Variants in EYS observed in about 807,000 individuals in gnomAD.
The protein encoded by EYS is EGF-like photoreceptor maintenance factor.
Under a neutral mutation model 282.1 loss-of-function variants are expected in EYS, and 250 were observed. The observed-to-expected ratio is 0.89, with a 90% CI of 0.80 to 0.98. The LOEUF (loss-of-function observed/expected upper bound fraction) is 0.98, where lower values mean the gene tolerates loss of function less well. Among genes scored for constraint, EYS ranks in the 50% least tolerant of loss-of-function variants. The probability of loss-of-function intolerance (pLI) is 0.00; values close to 1 mark genes in which losing one functional copy is unlikely to be tolerated. For missense variants in EYS, 4,016 were observed against 3,709.0 expected, an observed-to-expected ratio of 1.08 and a Z score of -2.15; for synonymous variants, 1,355 against 1,282.9, an observed-to-expected ratio of 1.06 and a Z score of -1.20.
intron 13 of EYS, among the ~76,000 whole-genome samples, chr6:65,049,683 A>G (rs2350516): frequency 0.11 from 16,484 of 151,756 alleles, 1,014 homozygotes; most frequent in East Asian, 0.31. Context: ...AATTCAATGC[A>G]AACAACCCTT....
intron 33 of EYS, among the ~76,000 whole-genome samples, chr6:64,007,679 A>G (rs1768415984): frequency 6.6e-6 from 1 of 152,016 alleles, no homozygotes; most frequent in Non-Finnish European, 1.5e-5. Context: ...GAATTCTTGT[A>G]TGTTGTATCT....
chr6:63,872,327 T>C (rs189539886), intron 35 of EYS, among the ~76,000 whole-genome samples: 23 of 152,082 alleles, frequency 1.5e-4, no homozygotes, highest in African/African-American at 2.9e-4. Flanking sequence ...TGTGTGTGTG[T>C]GCACAAGTGT....
chr6:65,579,230 C>A (rs1040834488), intron 2 of EYS, among the ~76,000 whole-genome samples: 7 of 151,860 alleles, frequency 4.6e-5, no homozygotes, highest in African/African-American at 1.7e-4. Flanking sequence ...AAGCCAGTTA[C>A]AAGAATCAAG....
At chr6:64,205,951 T>C (rs183360345) in intron 31 of EYS, among the ~76,000 whole-genome samples, 5 of 152,250 alleles carry the variant, frequency 3.3e-5, no homozygotes, top group Non-Finnish European at 7.4e-5. Flanking sequence ...CTCTATTTTT[T>C]AGAGAAAGTA....
chr6:63,800,935 T>C (rs947379090), intron 37 of EYS, among the ~76,000 whole-genome samples: 1 of 152,210 alleles, frequency 6.6e-6, no homozygotes, highest in Non-Finnish European at 1.5e-5. Flanking sequence ...TGGAACAGCC[T>C]GCACAGAAGT....
chr6:65,512,458 C>T (rs1766926091), intron 2 of EYS, among the ~76,000 whole-genome samples: 1 of 143,560 alleles, frequency 7.0e-6, no homozygotes, highest in South Asian at 2.2e-4. Context: ...CACTGCACTC[C>T]ATCCAGTCTG....
chr6:65,475,756 G>GACACACAC (rs545961939), intron 5 of EYS, among the ~76,000 whole-genome samples: 4 of 145,900 alleles, frequency 2.7e-5, no homozygotes, highest in South Asian at 2.2e-4. Context: ...CAGACAGACA[G>GACACACAC]ACACACACAC....
At chr6:63,880,477 C>T (rs1323181780) in intron 35 of EYS, among the ~76,000 whole-genome samples, 2 of 130,060 alleles carry the variant, frequency 1.5e-5, no homozygotes, top group Non-Finnish European at 3.5e-5. Context: ...GTCTGTCTGT[C>T]TGTCTGTCTG....
At chr6:64,095,831 T>C (rs1403494041) in intron 31 of EYS, among the ~76,000 whole-genome samples, 1 of 152,242 alleles carries the variant, frequency 6.6e-6, no homozygotes, top group East Asian at 1.9e-4. Flanking sequence ...CATTAGTTGA[T>C]GCAGTTTCTT....
intron 36 of EYS, among the ~76,000 whole-genome samples, chr6:63,818,675 GCCA>G (rs1402632197): frequency 3.9e-5 from 6 of 152,262 alleles, no homozygotes; most frequent in African/African-American, 1.4e-4. Flanking sequence ...CACATTCCAG[GCCA>G]CCACACTCCT....
intron 35 of EYS, among the ~76,000 whole-genome samples, chr6:63,908,545 G>A (rs1284822059): frequency 6.6e-6 from 1 of 151,972 alleles, no homozygotes; most frequent in Non-Finnish European, 1.5e-5. Flanking sequence ...CCACATCCCG[G>A]GTTCAAGTGA....
At chr6:64,574,152 C>A (rs1237673713) in intron 26 of EYS, among the ~76,000 whole-genome samples, 1 of 152,148 alleles carries the variant, frequency 6.6e-6, no homozygotes, top group Non-Finnish European at 1.5e-5. Context: ...TGGAAACCAT[C>A]ATTCTCAGCA....
chr6:65,142,863 A>G (rs1002468455), intron 12 of EYS, among the ~76,000 whole-genome samples: 7 of 152,036 alleles, frequency 4.6e-5, no homozygotes, highest in Admixed American at 4.6e-4. Flanking sequence ...AAAATGAAGC[A>G]TATTGATTCT....
intron 33 of EYS, among the ~76,000 whole-genome samples, chr6:64,012,480 C>T (rs375204023): frequency 6.6e-6 from 1 of 152,100 alleles, no homozygotes; most frequent in Non-Finnish European, 1.5e-5. Flanking sequence ...GAATCTGATC[C>T]CTACAAAGAC....
chr6:64,643,169 G>A (rs1367424891), intron 22 of EYS, among the ~76,000 whole-genome samples: 1 of 150,728 alleles, frequency 6.6e-6, no homozygotes, highest in East Asian at 2.0e-4. Context: ...ACTCCTCTTA[G>A]TTGGTCCAAA....
chr6:64,919,501 A>G (rs190816649), intron 15 of EYS, among the ~76,000 whole-genome samples: 2 of 150,442 alleles, frequency 1.3e-5, no homozygotes, highest in Admixed American at 6.6e-5. Context: ...ATATTAATAG[A>G]AAAAGGATTT....
chr6:64,994,193 C>T lies in EYS; in HGVS notation c.2259+3389G>A, dbSNP rs1583373053. Among the ~76,000 whole-genome samples, 5 of 151,968 alleles carry T rather than the reference C, an allele frequency of 3.3e-5. No individual in the cohort carries two copies. The East Asian group carries it at 9.7e-4, about 29-fold the overall frequency. ...CATTTGTATTTTATTATATGCTAGACTTTCAAAAGATTATTTTTTCCTCCT... is the reference window on the plus strand; with the variant it reads ...CATTTGTATTTTATTATATGCTAGATTTTCAAAAGATTATTTTTTCCTCCT... On this transcript the variant is annotated intron_variant, in intron 14 of 42. Coordinates refer to ENST00000503581, the MANE Select transcript of EYS (RefSeq NM_001142800.2).
At chr6:65,638,246 T>C (rs780856486) in intron 2 of EYS, among the ~76,000 whole-genome samples, 2 of 151,864 alleles carry the variant, frequency 1.3e-5, no homozygotes, top group Non-Finnish European at 2.9e-5. Flanking sequence ...CCACTAGGGG[T>C]CTCCTCTGAG....
intron 31 of EYS, among the ~76,000 whole-genome samples, chr6:64,098,461 T>A (rs186355080): frequency 5.9e-5 from 9 of 152,248 alleles, no homozygotes; most frequent in Admixed American, 2.0e-4. Context: ...AATAAAATAA[T>A]CCTATCTATT....
Sources: allele counts gnomAD v4.1 joint callset (sites outside exome capture counted in the v4.1 genomes callset), GRCh38; gene constraint gnomAD v4.1.1; transcripts MANE v1.5; gene names NCBI Gene and HGNC (gene_info 2026-07-23, HGNC 2026-07-21).